The following GPHN variants were observed in gnomAD, a reference collection of about 807,000 sequenced individuals.
GPHN encodes the protein gephyrin.
GPHN carries 17 observed loss-of-function variants against 95.5 expected under a neutral mutation model. That is an observed-to-expected ratio of 0.18 (90% confidence interval 0.12 to 0.27). The LOEUF is 0.27. GPHN is among the 10% of genes least tolerant of loss of function. The pLI, the probability that GPHN is intolerant of heterozygous loss-of-function variation, is 1.00. For missense variants in GPHN, 660 were observed against 978.1 expected, an observed-to-expected ratio of 0.67 and a Z score of 4.34; for synonymous variants, 320 against 322.5, an observed-to-expected ratio of 0.99 and a Z score of 0.08.
the GPHN span, among the ~76,000 whole-genome samples, chr14:67,429,809 A>G: frequency 2.0e-5 from 3 of 152,302 alleles, no homozygotes; most frequent in East Asian, 5.8e-4. Context: ...ACCGCATGCC[A>G]GATACAGTAC....
chr14:66,986,398 G>C (rs2071032376), intron 9 of GPHN, among the ~76,000 whole-genome samples: 1 of 152,020 alleles, frequency 6.6e-6, no homozygotes, highest in Admixed American at 6.6e-5. Flanking sequence ...GTCCATTTGT[G>C]TATATAACCT....
chr14:66,986,116 AG>A (rs2071011769), intron 9 of GPHN, among the ~76,000 whole-genome samples: 1 of 128,652 alleles, frequency 7.8e-6, no homozygotes, highest in African/African-American at 4.2e-5. Flanking sequence ...CTCCCCTTTT[AG>A]CTTTTTTTTG....
At chr14:67,076,383 C>G (rs990145878) in intron 11 of GPHN, among the ~76,000 whole-genome samples, 2 of 152,126 alleles carry the variant, frequency 1.3e-5, no homozygotes, top group African/African-American at 4.8e-5. Context: ...AATCACTGTA[C>G]TGCAATACTC....
At chr14:67,542,677 T>C in the GPHN span, among the ~76,000 whole-genome samples, 1 of 141,854 alleles carries the variant, frequency 7.0e-6, no homozygotes, top group African/African-American at 2.9e-5. Context: ...GATAACATTC[T>C]ATTTTATTTT....
the GPHN span, among the ~76,000 whole-genome samples, chr14:67,247,358 C>G: frequency 6.6e-6 from 1 of 152,076 alleles, no homozygotes; most frequent in Non-Finnish European, 1.5e-5. Flanking sequence ...TGTATATTGA[C>G]TTTGTATCCT....
At chr14:66,866,234 T>C (rs2063216710) in intron 4 of GPHN, among the ~76,000 whole-genome samples, 1 of 152,162 alleles carries the variant, frequency 6.6e-6, no homozygotes, top group African/African-American at 2.4e-5. Context: ...TATCTACATA[T>C]CAACTTCTGA....
intron 5 of GPHN, among the ~76,000 whole-genome samples, chr14:66,915,402 T>C (rs1308866259): frequency 6.6e-6 from 1 of 152,184 alleles, no homozygotes; most frequent in Non-Finnish European, 1.5e-5. Context: ...TCCATTTTTT[T>C]ATGTTTCTTA....
At chr14:66,996,184 T>C in intron 9 of GPHN, 2 of 1,533,910 alleles carry the variant, frequency 1.3e-6, no homozygotes, top group South Asian at 2.4e-5. Flanking sequence ...CAGGCTCGGC[T>C]TCCCTCGTGC....
chr14:66,933,742 T>C (rs1280244488), intron 8 of GPHN, among the ~76,000 whole-genome samples: 2 of 152,220 alleles, frequency 1.3e-5, no homozygotes, highest in East Asian at 3.8e-4. Context: ...ATAAACTTTG[T>C]AAATTAAGAA....
At chr14:67,224,139 C>G in the GPHN span, among the ~76,000 whole-genome samples, 4 of 152,028 alleles carry the variant, frequency 2.6e-5, no homozygotes, top group Admixed American at 2.6e-4. Flanking sequence ...TTCTCCTTTT[C>G]TGCATAAGGT....
intron 3 of GPHN, among the ~76,000 whole-genome samples, chr14:66,811,960 A>G (rs1048813342): frequency 2.0e-5 from 3 of 152,222 alleles, no homozygotes; most frequent in African/African-American, 7.2e-5. Flanking sequence ...TACCATTTGG[A>G]AGAAGGCACT....
At chr14:67,526,958 G>A in the GPHN span, among the ~76,000 whole-genome samples, 30 of 152,330 alleles carry the variant, frequency 2.0e-4, no homozygotes, top group Non-Finnish European at 3.8e-4. Context: ...TGACCATCAA[G>A]GGAGATAATA....
intron 10 of GPHN, among the ~76,000 whole-genome samples, chr14:67,047,330 G>GTT (rs1388173975): frequency 1.0e-5 from 1 of 96,130 alleles, no homozygotes; most frequent in Non-Finnish European, 2.3e-5. Context: ...GTGTGTGTGT[G>GTT]TGTTTGTGTG....
the GPHN span, among the ~76,000 whole-genome samples, chr14:67,425,549 A>C: frequency 6.6e-6 from 1 of 152,312 alleles, no homozygotes; most frequent in East Asian, 1.9e-4. Flanking sequence ...CAAACCAAAA[A>C]ACAAAGCAAA....
At chr14:67,382,485 G>A in the GPHN span, 10 of 1,613,368 alleles carry the variant, frequency 6.2e-6, no homozygotes, top group African/African-American at 5.3e-5. Flanking sequence ...TAATGACTAC[G>A]ACAACCCTGG....
At chr14:67,192,842 CTATA>C in the GPHN span, among the ~76,000 whole-genome samples, 2 of 138,708 alleles carry the variant, frequency 1.4e-5, no homozygotes, top group Non-Finnish European at 3.1e-5. Context: ...ATATATATAT[CTATA>C]TATAGATATA....
chr14:67,113,279 C>A, intron 16 of GPHN, 108 bp downstream of exon 16: 1 of 1,008,998 alleles, frequency 9.9e-7, no homozygotes, highest in African/African-American at 1.6e-5. Flanking sequence ...TAGATCATAC[C>A]AGTGGATCCA....
chr14:67,306,668 CCTT>C, the GPHN span, among the ~76,000 whole-genome samples: 3 of 152,096 alleles, frequency 2.0e-5, no homozygotes, highest in African/African-American at 7.2e-5. Context: ...ATGCCCAGCC[CCTT>C]CTTTTCTCTT....
chr14:66,960,109 A>G (rs938070491), intron 8 of GPHN, among the ~76,000 whole-genome samples: 4 of 151,862 alleles, frequency 2.6e-5, no homozygotes, highest in African/African-American at 9.7e-5. Context: ...TTTTATTGAG[A>G]TTCCCAGTTG....
Sources: gnomAD v4.1 joint callset for allele counts (sites outside exome capture counted in the v4.1 genomes callset) on GRCh38, gnomAD v4.1.1 for gene constraint, MANE v1.5 for transcripts, NCBI Gene and HGNC (gene_info 2026-07-23, HGNC 2026-07-21) for gene names.